Variants in AGPAT4 observed in about 807,000 individuals in gnomAD.
AGPAT4 encodes the protein 1-acylglycerol-3-phosphate O-acyltransferase 4, also known as 1-acyl-sn-glycerol-3-phosphate acyltransferase delta.
In AGPAT4, 15 loss-of-function variants were observed where a neutral mutation model predicts 48.0. That is an observed-to-expected ratio of 0.31 (90% confidence interval 0.21 to 0.48). The LOEUF is 0.48. Among genes scored for constraint, AGPAT4 ranks in the 20% least tolerant of loss-of-function variants. The pLI, the probability that AGPAT4 is intolerant of heterozygous loss-of-function variation, is 0.99. For missense variants in AGPAT4, 314 were observed against 482.5 expected (o/e 0.65, Z 3.27); for synonymous variants, 178 against 198.7 (o/e 0.90, Z 0.88).
chr6:161,152,705 G>C (rs143284384), intron 5 of AGPAT4, among the ~76,000 whole-genome samples: 23 of 152,266 alleles, frequency 1.5e-4, no homozygotes, highest in Non-Finnish European at 3.2e-4. Context: ...AGACAGCTTC[G>C]CCTGAAGTGC....
chr6:161,141,122 T>C lies in AGPAT4; in HGVS notation c.844-1502A>G, dbSNP rs1431868030. Among the ~76,000 whole-genome samples, 1 of 152,158 alleles carries C rather than the reference T, an allele frequency of 6.6e-6. No homozygotes were observed. Among genetic ancestry groups the C allele is most frequent in the Non-Finnish European group, 1.5e-5 (1 of 68,032 alleles). On this transcript the variant is annotated intron_variant, in intron 7 of 8. Coordinates refer to ENST00000320285, the MANE Select transcript of AGPAT4 (RefSeq NM_020133.3). This position sits in a 1 kb window ranked among gnomAD's most constrained non-coding sequence, Gnocchi z 6.7. Reference sequence around the variant, plus strand: ...TTTCTTGGCCTCTCAGAGGCACTTTTAATAATAGTCCACACACTAGGCCAT... The same window carrying C: ...TTTCTTGGCCTCTCAGAGGCACTTTCAATAATAGTCCACACACTAGGCCAT...
rs1782199986 is a variant in AGPAT4 at position 161,234,014 on chromosome 6, GCT to G, written c.-89-1714_-89-1713del. On this transcript the variant is annotated intron_variant, in intron 1 of 8. Transcript: ENST00000320285. The surrounding 1 kb of genome is among the most constrained non-coding windows in gnomAD (Gnocchi z 4.4). Reference sequence around the variant, plus strand: ...TCTTGGGGCTCAGTTTTAACTCCGAGCTCTTTCTCCTGCACGTGTCAGGGGTG... The same window carrying G: ...TCTTGGGGCTCAGTTTTAACTCCGAGCTTTCTCCTGCACGTGTCAGGGGTG... Among the ~76,000 whole-genome samples the G allele has an allele frequency of 6.6e-6, 1 of 152,180 alleles. No homozygotes were observed. The highest frequency in any genetic ancestry group is 1.5e-5 in the Non-Finnish European group (1 of 68,038).
chr6:161,224,708 C>T (rs1323134637), intron 2 of AGPAT4, among the ~76,000 whole-genome samples: 1 of 151,872 alleles, frequency 6.6e-6, no homozygotes, highest in East Asian at 1.9e-4. Context: ...CAGTAGCTGC[C>T]TTTGCTTCCC....
In AGPAT4 at chr6:161,253,404, G is replaced by A. The variant is rs527676330; in HGVS notation, c.-90+20534C>T. Among the ~76,000 whole-genome samples the A allele has an allele frequency of 9.9e-3, 1,488 of 150,192 alleles. 22 individuals are homozygous for A. Among genetic ancestry groups the A allele is most frequent in the African/African-American group, 0.034 (1,395 of 41,058 alleles). On this transcript the variant is annotated intron_variant, in intron 1 of 8. Transcript: ENST00000320285. ...CGAGTAGCTGGGACTACAGGCACCCGCCACCATGCCCAGCTAATTTTTTGT... is the reference window on the plus strand; with the variant it reads ...CGAGTAGCTGGGACTACAGGCACCCACCACCATGCCCAGCTAATTTTTTGT...
In AGPAT4 at chr6:161,137,653, A is replaced by C. The variant is rs1184333705; in HGVS notation, c.1043-1019T>G. On this transcript the variant is annotated intron_variant, in intron 8 of 8. Transcript: ENST00000320285. This position sits in a 1 kb window ranked among gnomAD's most constrained non-coding sequence, Gnocchi z 6.1. ...CCTTGGAAGAGGAGTAAAGAACACA[A>C]ACACAAAGTCCTTCAGGGAAGAATG... Among the ~76,000 whole-genome samples, 3 of 152,206 alleles carry C rather than the reference A, an allele frequency of 2.0e-5. No homozygotes were observed. The highest frequency in any genetic ancestry group is 1.5e-5 in the Non-Finnish European group (1 of 68,042).
At chr6:161,247,310 A>G (rs1358335635) in intron 1 of AGPAT4, among the ~76,000 whole-genome samples, 1 of 152,240 alleles carries the variant, frequency 6.6e-6, no homozygotes, top group Non-Finnish European at 1.5e-5. Context: ...AAGTCACTCC[A>G]TTATAACAGT....
chr6:161,153,824 G>A (rs1292418593), intron 4 of AGPAT4, among the ~76,000 whole-genome samples: 1 of 147,020 alleles, frequency 6.8e-6, no homozygotes, highest in Non-Finnish European at 1.5e-5. Flanking sequence ...CACAGCCCTG[G>A]GGTCACACAT....
intron 2 of AGPAT4, among the ~76,000 whole-genome samples, chr6:161,176,891 T>C (rs6923142): frequency 0.022 from 3,291 of 152,300 alleles, 126 homozygotes; most frequent in African/African-American, 0.075. Context: ...TATTTCTCCT[T>C]TACTTATGAA....
At position 161,147,796 on chromosome 6, in the gene AGPAT4, G is replaced by A. The variant is rs976936425; in HGVS notation, c.768-1197C>T. Among the ~76,000 whole-genome samples the A allele has an allele frequency of 1.3e-5, 2 of 152,206 alleles. No individual in the cohort carries two copies. Among genetic ancestry groups the A allele is most frequent in the Non-Finnish European group, 2.9e-5 (2 of 68,038 alleles). On this transcript the variant is annotated intron_variant, in intron 6 of 8. Coordinates refer to ENST00000320285, the MANE Select transcript of AGPAT4 (RefSeq NM_020133.3). This position sits in a 1 kb window ranked among gnomAD's most constrained non-coding sequence, Gnocchi z 4.8. ...TCTTTATTTGGAGAGTAGGAATGTA[G>A]TGAGTTTTGCCCTTTTCAGCAACTT...
chr6:161,180,663 C>T lies in AGPAT4; in HGVS notation c.179-14246G>A, dbSNP rs1431813982. Reference sequence around the variant, plus strand: ...CTCAGAAGCATCCAAAATGCAAAAGCGAAGCTACTAAGTTTCTGGTGCCTG... The same window carrying T: ...CTCAGAAGCATCCAAAATGCAAAAGTGAAGCTACTAAGTTTCTGGTGCCTG... On this transcript the variant is annotated intron_variant, in intron 2 of 8. Transcript: ENST00000320285. This position sits in a 1 kb window ranked among gnomAD's most constrained non-coding sequence, Gnocchi z 6.4. Among the ~76,000 whole-genome samples the T allele has an allele frequency of 1.3e-5, 2 of 152,076 alleles. No individual in the cohort carries two copies. The highest frequency in any genetic ancestry group is 2.4e-5 in the African/African-American group (1 of 41,402).
chr6:161,161,184 C>T lies in AGPAT4; in HGVS notation c.348+5064G>A, dbSNP rs1235259716. 1 of 456,728 alleles carries T rather than the reference C, an allele frequency of 2.2e-6. No homozygotes were observed. Among genetic ancestry groups the T allele is most frequent in the Non-Finnish European group, 4.4e-6 (1 of 226,966 alleles). 28.3% of individuals were successfully genotyped at this position (456,728 alleles called of 1,614,324 possible). On this transcript the variant is annotated intron_variant, in intron 3 of 8. Transcript: ENST00000320285. This position sits in a 1 kb window ranked among gnomAD's most constrained non-coding sequence, Gnocchi z 4.6. ...ATCAGACTCTGGCTTGTTAAAGACA[C>T]TGCCAGAGGATCCTGGTCAACAAAG...
At position 161,266,023 on chromosome 6, in the gene AGPAT4, T is replaced by C. The variant is rs1783253169; in HGVS notation, c.-90+7915A>G. On this transcript the variant is annotated intron_variant, in intron 1 of 8. Coordinates refer to ENST00000320285, the MANE Select transcript of AGPAT4 (RefSeq NM_020133.3). The surrounding 1 kb of genome is among the most constrained non-coding windows in gnomAD (Gnocchi z 6.2). ...ATCGGACCAACCGGATTCCTGAGTG[T>C]ACCTGACAGAGCCGGGAATTCCCCC... 6.6e-6 allele frequency among the ~76,000 whole-genome samples: 1 copy of C among 152,174 alleles called. No individual in the cohort carries two copies. Among genetic ancestry groups the C allele is most frequent in the Non-Finnish European group, 1.5e-5 (1 of 68,018 alleles).
chr6:161,168,134 G>T (rs1437519957), intron 2 of AGPAT4, among the ~76,000 whole-genome samples: 2 of 151,978 alleles, frequency 1.3e-5, no homozygotes, highest in African/African-American at 4.8e-5. Flanking sequence ...TGGTGGGGTG[G>T]GGGGCTAGGG....
intron 1 of AGPAT4, among the ~76,000 whole-genome samples, chr6:161,269,645 C>T (rs1444351162): frequency 6.6e-6 from 1 of 151,896 alleles, no homozygotes; most frequent in Non-Finnish European, 1.5e-5. Context: ...ACCCTGCCCA[C>T]CCCCCAAAAA....
Position 161,243,631 on chromosome 6 carries a change from A to G in AGPAT4, c.-89-11329T>C, listed in dbSNP as rs1782563489. ...CGTGCTGTAACAATTACACACAGGA[A>G]GGCAGAGAAACAGCACAACAGCTGC... On this transcript the variant is annotated intron_variant, in intron 1 of 8. Transcript: ENST00000320285. The surrounding 1 kb of genome is among the most constrained non-coding windows in gnomAD (Gnocchi z 4.8). Among the ~76,000 whole-genome samples the G allele has an allele frequency of 6.6e-6, 1 of 152,200 alleles. No homozygotes were observed. The highest frequency in any genetic ancestry group is 2.4e-5 in the African/African-American group (1 of 41,452).
chr6:161,167,861 T>C (rs894029825), intron 2 of AGPAT4, among the ~76,000 whole-genome samples: 2 of 152,236 alleles, frequency 1.3e-5, no homozygotes, highest in Admixed American at 6.5e-5. Context: ...ATAAAGCACC[T>C]AACACATAGT....
chr6:161,228,760 A>G (rs1782050789), intron 2 of AGPAT4, among the ~76,000 whole-genome samples: 1 of 148,742 alleles, frequency 6.7e-6, no homozygotes, highest in South Asian at 2.1e-4. Flanking sequence ...CCTTCACCCC[A>G]CTTCTTCCAA....
chr6:161,165,341 C>A lies in AGPAT4; in HGVS notation c.348+907G>T, dbSNP rs1780063672. Among the ~76,000 whole-genome samples the A allele has an allele frequency of 6.6e-6, 1 of 152,160 alleles. No individual in the cohort carries two copies. The highest frequency in any genetic ancestry group is 2.4e-5 in the African/African-American group (1 of 41,428). ...TCCAGGAACCAGACCCGTCTAGTTC[C>A]CTATGTCCTCCATGGCCTGATAGCC... On this transcript the variant is annotated intron_variant, in intron 3 of 8. Coordinates refer to ENST00000320285, the MANE Select transcript of AGPAT4 (RefSeq NM_020133.3). This position sits in a 1 kb window ranked among gnomAD's most constrained non-coding sequence, Gnocchi z 5.5.
intron 5 of AGPAT4, among the ~76,000 whole-genome samples, chr6:161,150,222 T>C (rs1050186461): frequency 2.6e-5 from 4 of 152,180 alleles, no homozygotes; most frequent in Admixed American, 6.5e-5. Flanking sequence ...GGCTACTTGC[T>C]GAAGTGTAAG....
Sources: allele counts gnomAD v4.1 joint callset (sites outside exome capture counted in the v4.1 genomes callset), GRCh38; gene constraint gnomAD v4.1.1; non-coding constraint Gnocchi (gnomAD v3.1); transcripts MANE v1.5; gene names NCBI Gene and HGNC (gene_info 2026-07-23, HGNC 2026-07-21).